Variants in PCNP observed in about 807,000 individuals in gnomAD.
PCNP encodes the protein PEST proteolytic signal containing nuclear protein.
A neutral mutation model predicts 21.8 loss-of-function variants in PCNP; 6 were observed. That is an observed-to-expected ratio of 0.28 (90% CI 0.15 to 0.54). PCNP has a LOEUF of 0.54. Ranked by LOEUF, PCNP falls within the 20% of genes least tolerant of loss-of-function variation. The probability of loss-of-function intolerance (pLI) is 0.95; values close to 1 mark genes in which losing one functional copy is unlikely to be tolerated. For synonymous variants in PCNP, 67 were observed against 73.2 expected (o/e 0.92, Z 0.43); for missense variants, 161 against 215.5 (o/e 0.75, Z 1.58).
chr3:101,579,628 G>T (rs1428166629), intron 1 of PCNP, 162 bp from the exon 2 acceptor site: 1 of 718,280 alleles, frequency 1.4e-6, no homozygotes, highest in Non-Finnish European at 2.6e-6. Context: ...CACAATCTCA[G>T]TTCCTGCTGT....
chr3:101,590,121 C>T (rs200754530), intron 3 of PCNP, 94 bp from the exon 4 acceptor site: 2 of 714,970 alleles, frequency 2.8e-6, no homozygotes, highest in East Asian at 5.5e-5. Context: ...AGTGAAAATG[C>T]TAAAAGACTT....
chr3:101,589,599 A>C (rs1012619638), intron 3 of PCNP: 1 of 152,424 alleles, frequency 6.6e-6, no homozygotes, highest in African/African-American at 2.4e-5. Context: ...TTTGGTAGAG[A>C]CGGGGTTTCA....
At chr3:101,583,153 C>A (rs186391164) in intron 2 of PCNP, among the ~76,000 whole-genome samples, 2 of 151,978 alleles carry the variant, frequency 1.3e-5, no homozygotes, top group African/African-American at 4.8e-5. Flanking sequence ...AGTGAGGCCT[C>A]TTCTCTACAA....
At chr3:101,589,131 C>A (rs575559671) in intron 3 of PCNP, among the ~76,000 whole-genome samples, 1 of 152,176 alleles carries the variant, frequency 6.6e-6, no homozygotes, top group African/African-American at 2.4e-5. Flanking sequence ...TTAACTGTCT[C>A]TTACTGTAAG....
At chr3:101,576,645 A>G (rs1576603627) in intron 1 of PCNP, 3 of 1,611,770 alleles carry the variant, frequency 1.9e-6, no homozygotes, top group South Asian at 1.1e-5. Flanking sequence ...TGTCCAGACC[A>G]TTGGCTAGGA....
intron 1 of PCNP, among the ~76,000 whole-genome samples, chr3:101,574,661 A>T (rs1430471301): frequency 6.6e-6 from 1 of 152,172 alleles, no homozygotes; most frequent in African/African-American, 2.4e-5. Context: ...CGCTCATGAG[A>T]CATAACATAC....
chr3:101,580,820 A>G (rs1286188938), intron 2 of PCNP, among the ~76,000 whole-genome samples: 1 of 152,244 alleles, frequency 6.6e-6, no homozygotes, highest in Non-Finnish European at 1.5e-5. Flanking sequence ...ATAACCTTCA[A>G]CCAAATAGAT....
At chr3:101,582,929 G>A (rs886759596) in intron 2 of PCNP, among the ~76,000 whole-genome samples, 37 of 152,314 alleles carry the variant, frequency 2.4e-4, no homozygotes, top group Admixed American at 7.2e-4. Flanking sequence ...CCATGAGACC[G>A]AATTTAAGGG....
chr3:101,589,062 A>G lies in PCNP; in HGVS notation c.355-1153A>G, dbSNP rs563653418. 2.6e-5 allele frequency among the ~76,000 whole-genome samples: 4 copies of G among 152,352 alleles called. No homozygotes were observed. In the South Asian group the frequency reaches 6.2e-4, roughly 24 times the overall value. On this transcript the variant is annotated intron_variant, in intron 3 of 4. Coordinates refer to ENST00000265260, the MANE Select transcript of PCNP (RefSeq NM_020357.3). ...TCTGTTGATAATTCTTGCCAGAATT[A>G]TTATTATAAGGTTTGCCAAATGATG...
rs1935449367 is a variant in PCNP at position 101,585,461 on chromosome 3, C to G, written c.304C>G (p.Leu102Val). 3.7e-6 allele frequency: 6 copies of G among 1,605,838 alleles called. No individual in the cohort carries two copies. The highest frequency in any genetic ancestry group is 5.1e-6 in the Non-Finnish European group (6 of 1,174,646). ...SSKPKETVPT[L>V]APKTLSVAAA... ...GAAGCCTAAAGAAACTGTTCCAACT[C>G]TTGCTCCAAAAACTCTTTCAGTAGC... The change falls in exon 3 of 5, where the codon CTT becomes GTT. Residue 102 changes from leucine (L) to valine (V), a missense_variant. By Grantham distance (32) the Leu-to-Val change is conservative. Around this residue, in one of 4 missense-constraint regions of PCNP, gnomAD observed 66 missense variants for 127.8 expected, o/e 0.52. Coordinates refer to ENST00000265260, the MANE Select transcript of PCNP (RefSeq NM_020357.3).
intron 2 of PCNP, among the ~76,000 whole-genome samples, chr3:101,583,791 G>A (rs1193487851): frequency 6.6e-6 from 1 of 150,838 alleles, no homozygotes; most frequent in Non-Finnish European, 1.5e-5. Context: ...GAGATTACAG[G>A]TGTGCATCAC....
intron 3 of PCNP, among the ~76,000 whole-genome samples, chr3:101,587,547 A>G (rs1259439622): frequency 1.3e-5 from 2 of 151,954 alleles, no homozygotes; most frequent in African/African-American, 4.8e-5. Flanking sequence ...CTAGCAGGGC[A>G]GACTTAAATG....
intron 4 of PCNP, among the ~76,000 whole-genome samples, chr3:101,591,463 A>G (rs1316788981): frequency 6.6e-6 from 1 of 152,232 alleles, no homozygotes; most frequent in Non-Finnish European, 1.5e-5. Context: ...ATGTGATTCA[A>G]GTAGAGTCAG....
chr3:101,582,559 C>G (rs750090441), intron 2 of PCNP, among the ~76,000 whole-genome samples: 1 of 152,154 alleles, frequency 6.6e-6, no homozygotes, highest in Non-Finnish European at 1.5e-5. Flanking sequence ...AGTTAATCAG[C>G]CAACAAATGC....
chr3:101,582,092 G>T (rs1935255426), intron 2 of PCNP, among the ~76,000 whole-genome samples: 2 of 151,746 alleles, frequency 1.3e-5, no homozygotes, highest in South Asian at 4.2e-4. Context: ...TTTGGGGTGG[G>T]AGGGTTATAT....
chr3:101,594,453 C>A lies in PCNP; in HGVS notation c.*1700C>A, dbSNP rs1468725899. The A allele has an allele frequency of 6.6e-6, 1 of 152,222 alleles. No homozygotes were observed. The highest frequency in any genetic ancestry group is 1.5e-5 in the Non-Finnish European group (1 of 68,026). 9.4% of individuals were successfully genotyped at this position (152,222 alleles called of 1,614,324 possible). ...TCAAACTCAATAGTGTTTTTATTTT[C>A]TATTCCATTTAATTGTTGCTTACTG... On this transcript the variant is annotated 3_prime_UTR_variant, in exon 5 of 5. Transcript: ENST00000265260.
intron 1 of PCNP, 145 bp downstream of exon 1, chr3:101,574,424 A>G: frequency 1.9e-6 from 2 of 1,028,292 alleles, no homozygotes; most frequent in Non-Finnish European, 2.7e-6. Flanking sequence ...TGCCTCGGGC[A>G]CGCCCGATGC....
intron 3 of PCNP, among the ~76,000 whole-genome samples, chr3:101,588,917 G>A (rs187188324): frequency 6.6e-6 from 1 of 152,332 alleles, no homozygotes; most frequent in African/African-American, 2.4e-5. Context: ...GTGCCTGCCA[G>A]ATTTCTTCAC....
intron 2 of PCNP, among the ~76,000 whole-genome samples, chr3:101,582,885 G>A (rs1382532043): frequency 6.6e-6 from 1 of 152,212 alleles, no homozygotes; most frequent in Non-Finnish European, 1.5e-5. Context: ...GTTTGGTGGG[G>A]AAATGTAGGG....
Sources: allele counts gnomAD v4.1 joint callset (sites outside exome capture counted in the v4.1 genomes callset), GRCh38; gene constraint gnomAD v4.1.1; regional missense constraint gnomAD v4.1.1; transcripts MANE v1.5; gene names NCBI Gene and HGNC (gene_info 2026-07-23, HGNC 2026-07-21).